Variants in ZAN observed in about 807,000 individuals in gnomAD.
ZAN encodes zonadhesin (gene/pseudogene).
Under a neutral mutation model 286.2 loss-of-function variants are expected in ZAN, and 260 were observed. The ratio of observed to expected loss-of-function variants is 0.91; its 90% CI spans 0.82 to 1.01. The LOEUF is 1.01. Among genes scored for constraint, ZAN ranks in the 50% least tolerant of loss-of-function variants. The probability of loss-of-function intolerance (pLI) is 0.00; values close to 1 mark genes in which losing one functional copy is unlikely to be tolerated. For synonymous variants in ZAN, 1,368 were observed against 1,417.5 expected (o/e 0.97, Z 0.79); for missense variants, 3,410 against 3,639.2 (o/e 0.94, Z 1.62).
At position 100,736,625 on chromosome 7, in the gene ZAN, C is replaced by T. The variant is rs374844629; in HGVS notation, c.249C>T (p.Asn83=). 1.2e-4 allele frequency: 179 copies of T among 1,522,234 alleles called. 34 individuals carry two copies. In the Admixed American group the frequency reaches 1.8e-3, roughly 16 times the overall value. 94.3% of individuals were successfully genotyped at this position (1,522,234 alleles called of 1,614,324 possible). A position where few individuals can be genotyped will look rare whatever the true frequency, so the allele number is the denominator to read the frequency against. ...GSTGAPGGYP[N]GEGSYLHMES... The stretch of plus-strand genomic sequence containing the variant: ...CCGGGGCCCCCGGGGGGTACCCTAA[C>T]GGAGGTGAGGGGCTATGGTTTCCAG... The change falls in exon 4 of 48, where the codon AAC becomes AAT. Residue 83 remains asparagine, a synonymous_variant. Transcript: ENST00000613979.
At chr7:100,749,860 G>C (rs547641764) in intron 11 of ZAN, among the ~76,000 whole-genome samples, 139 of 150,604 alleles carry the variant, frequency 9.2e-4, no homozygotes, top group African/African-American at 3.2e-3. Flanking sequence ...AGACTAGCCT[G>C]GCCAACATGG....
Position 100,767,963 on chromosome 7 carries a change from G to A in ZAN, c.4993G>A (p.Glu1665Lys), listed in dbSNP as rs1368772975. The A allele has an allele frequency of 6.2e-7, 1 of 1,613,804 alleles. No homozygotes were observed. The highest frequency in any genetic ancestry group is 8.5e-7 in the Non-Finnish European group (1 of 1,179,892). ...TCGCTACGACGGGAGCCACTTGGTG[G>A]AAGTGACAGTCCCCTCCTCCTATGG... ...QVRYDGSHLV[E>K]VTVPSSYGGQ... Residue 1665 changes from glutamate to lysine, a missense_variant, in exon 26 of 48, where the codon GAA becomes AAA. By Grantham distance (56) the Glu-to-Lys change is moderately conservative. Around this residue, in one of 7 missense-constraint regions of ZAN, gnomAD observed 1,042 missense variants for 1,058.0 expected, o/e 0.98. Coordinates refer to ENST00000613979, the MANE Select transcript of ZAN (RefSeq NM_003386.3).
intron 40 of ZAN, among the ~76,000 whole-genome samples, chr7:100,791,544 C>T (rs1368285276): frequency 6.6e-6 from 1 of 151,854 alleles, no homozygotes. Context: ...GTAGCTGGGA[C>T]TACAGGCATG....
At chr7:100,770,595 C>T (rs1167735322) in intron 28 of ZAN, among the ~76,000 whole-genome samples, 1 of 151,768 alleles carries the variant, frequency 6.6e-6, no homozygotes, top group Non-Finnish European at 1.5e-5. Context: ...GGGATCCTCC[C>T]CCTTGGCCTC....
In ZAN at chr7:100,746,559, AC is replaced by A. The variant is rs2115740150; in HGVS notation, c.792del (p.Lys265ArgfsTer12). 1 of 1,613,798 alleles carries A rather than the reference AC, an allele frequency of 6.2e-7. No homozygotes were observed. Among genetic ancestry groups the A allele is most frequent in the South Asian group, 1.1e-5 (1 of 91,066 alleles). On this transcript the variant is annotated frameshift_variant, in exon 8 of 48. Transcript: ENST00000613979. LOFTEE classifies it high-confidence loss of function. ...ACAGGTGGCTGCTACATGCTCCTGGACCCCAAGAATGCAAGACCTGGGCAGA... is the reference window on the plus strand; with the variant it reads ...ACAGGTGGCTGCTACATGCTCCTGGACCCAAGAATGCAAGACCTGGGCAGA... ...SPGSGCYMLL[D>X]PKNARPGQKA...
chr7:100,745,322 C>T (rs57624936), intron 7 of ZAN, among the ~76,000 whole-genome samples: 1,677 of 151,904 alleles, frequency 0.011, 78 homozygotes, highest in African/African-American at 0.037. Flanking sequence ...CAGGATCCCA[C>T]CTTCGGCAGG....
chr7:100,768,411 G>A (rs1810149149), intron 26 of ZAN, among the ~76,000 whole-genome samples, 199 bp from the exon 27 acceptor site: 1 of 152,196 alleles, frequency 6.6e-6, no homozygotes, highest in African/African-American at 2.4e-5. Context: ...GGTGGACGTT[G>A]CAGTGAGCTG....
rs1392049852 is a variant in ZAN at position 100,773,779 on chromosome 7, A to ACCTG, written c.5694_5695insCTGC (p.Asn1899LeufsTer46). The ACCTG allele has an allele frequency of 6.2e-7, 1 of 1,612,310 alleles. No homozygotes were observed. Among genetic ancestry groups the ACCTG allele is most frequent in the African/African-American group, 1.3e-5 (1 of 74,906 alleles). On this transcript the variant is annotated frameshift_variant, in exon 31 of 48. Coordinates refer to ENST00000613979, the MANE Select transcript of ZAN (RefSeq NM_003386.3). LOFTEE classifies it high-confidence loss of function. ...ACCAGGCTCTGCACCTGCTCCGTCC[A>ACCTG]CAACAACATCACCTGCTTCCAGAGC...
chr7:100,775,468 G>GC lies in ZAN; in HGVS notation c.5922dup (p.Lys1975GlnfsTer3). The GC allele has an allele frequency of 6.2e-7, 1 of 1,613,978 alleles. No individual in the cohort carries two copies. The highest frequency in any genetic ancestry group is 8.5e-7 in the Non-Finnish European group (1 of 1,179,892). On this transcript the variant is annotated frameshift_variant, in exon 32 of 48. Coordinates refer to ENST00000613979, the MANE Select transcript of ZAN (RefSeq NM_003386.3). LOFTEE classifies it high-confidence loss of function. ...GGCCTTGCCCTTCTTCAAGATCAGT[G>GC]CCAAGCATGAGAAGGAGGAAGGTGG...
chr7:100,780,871 C>T (rs1463016844), intron 35 of ZAN, among the ~76,000 whole-genome samples: 1 of 151,808 alleles, frequency 6.6e-6, no homozygotes, highest in Non-Finnish European at 1.5e-5. Context: ...GGGAGGATTG[C>T]TTGAGGCCAG....
At chr7:100,749,313 TC>T (rs1808444453) in intron 11 of ZAN, among the ~76,000 whole-genome samples, 1 of 144,702 alleles carries the variant, frequency 6.9e-6, no homozygotes, top group African/African-American at 2.6e-5. Context: ...CTGCACTCCA[TC>T]CGGGGCAACA....
chr7:100,773,375 C>G lies in ZAN; in HGVS notation c.5516C>G (p.Pro1839Arg). The G allele has an allele frequency of 6.2e-7, 1 of 1,614,000 alleles. No homozygotes were observed. Among genetic ancestry groups the G allele is most frequent in the Non-Finnish European group, 8.5e-7 (1 of 1,179,888 alleles). The change falls in exon 30 of 48, where the codon CCC (proline) becomes CGC (arginine). Residue 1839 changes from proline to arginine, a missense_variant. Pro to Arg is a moderately radical substitution (Grantham distance 103). This residue lies in a region of ZAN where 1,289 missense variants were observed against 1,314.3 expected (regional missense o/e 0.98). Coordinates refer to ENST00000613979, the MANE Select transcript of ZAN (RefSeq NM_003386.3). ...AGCATAAACAACCCGAGGGACTGCC[C>G]CAAAGCACTGCCCTGTGCTGAGAGC... ...CSSINNPRDC[P>R]KALPCAESCE...
chr7:100,740,289 A>ATT (rs569136745), intron 7 of ZAN, among the ~76,000 whole-genome samples: 9,467 of 128,988 alleles, frequency 0.073, 1,549 homozygotes, highest in African/African-American at 0.14. Flanking sequence ...GATCTGACTT[A>ATT]TTTATTTTTT....
rs1009306334 is a variant in ZAN at position 100,736,610 on chromosome 7, C to T, written c.234C>T (p.Pro78=). 7.6e-5 allele frequency: 115 copies of T among 1,522,638 alleles called. 27 individuals are homozygous for T. Among genetic ancestry groups the T allele is most frequent in the African/African-American group, 1.1e-4 (8 of 71,434 alleles). The allele number at this position is 1,522,638 out of a possible 1,614,324, so 94.3% of individuals were successfully genotyped here. A position where few individuals can be genotyped will look rare whatever the true frequency, so the allele number is the denominator to read the frequency against. Reference sequence around the variant, plus strand: ...CTCCCACCGGCTCCACCGGGGCCCCCGGGGGGTACCCTAACGGAGGTGAGG... The same window carrying T: ...CTCCCACCGGCTCCACCGGGGCCCCTGGGGGGTACCCTAACGGAGGTGAGG... ...GPSPTGSTGA[P]GGYPNGEGSY... The change falls in exon 4 of 48, where the codon CCC becomes CCT. Residue 78 remains proline, a synonymous_variant. Transcript: ENST00000613979.
rs1188515760 is a variant in ZAN at position 100,733,639 on chromosome 7, C to T, written c.-152C>T. 1.4e-5 allele frequency: 2 copies of T among 141,978 alleles called. No individual in the cohort carries two copies. The highest frequency in any genetic ancestry group is 3.2e-5 in the Non-Finnish European group (2 of 63,412). The allele number at this position is 141,978 out of a possible 1,614,324, so 8.8% of individuals were successfully genotyped here. Reference sequence around the variant, plus strand: ...GAAAAGCTGGATGCCATGTTGATTTCTGATCCTTGGTATATGACTTGTTAT... The same window carrying T: ...GAAAAGCTGGATGCCATGTTGATTTTTGATCCTTGGTATATGACTTGTTAT... On this transcript the variant is annotated 5_prime_UTR_variant, in exon 1 of 48. Coordinates refer to ENST00000613979, the MANE Select transcript of ZAN (RefSeq NM_003386.3).
chr7:100,787,370 C>G (rs73411155), intron 37 of ZAN, among the ~76,000 whole-genome samples: 3 of 151,740 alleles, frequency 2.0e-5, no homozygotes, highest in Non-Finnish European at 4.4e-5. Context: ...GAGCTATGAT[C>G]GTACCACTTG....
At chr7:100,758,365 G>C in intron 16 of ZAN, 22 bp downstream of exon 16, 1 of 1,606,854 alleles carries the variant, frequency 6.2e-7, no homozygotes, top group Non-Finnish European at 8.5e-7. Flanking sequence ...TCCCCATGCT[G>C]TCCCTGCCTG....
At chr7:100,790,431 G>A (rs976099433) in intron 39 of ZAN, among the ~76,000 whole-genome samples, 3 of 151,338 alleles carry the variant, frequency 2.0e-5, no homozygotes, top group Non-Finnish European at 4.4e-5. Context: ...GTGTGTTGGC[G>A]GGCACCTATA....
chr7:100,767,785 G>A lies in ZAN; in HGVS notation c.4861-46G>A, dbSNP rs1001806927. ...GAGCCCCCGTCCTTGCCTTTATCCC[G>A]AGTTCTTTCCTGACTCTCCTTTCTA... On this transcript the variant is annotated intron_variant, in intron 25 of 47. Coordinates refer to ENST00000613979, the MANE Select transcript of ZAN (RefSeq NM_003386.3). 17 of 1,577,872 alleles carry A rather than the reference G, an allele frequency of 1.1e-5. 1 individual carries two copies. Among genetic ancestry groups the A allele is most frequent in the African/African-American group, 9.4e-5 (7 of 74,108 alleles).
Sources: gnomAD v4.1 joint callset for allele counts (sites outside exome capture counted in the v4.1 genomes callset) on GRCh38, gnomAD v4.1.1 for gene constraint, gnomAD v4.1.1 regional missense constraint, MANE v1.5 for transcripts, NCBI Gene and HGNC (gene_info 2026-07-23, HGNC 2026-07-21) for gene names.